Variants in COQ9 observed in about 807,000 individuals in gnomAD.
COQ9 encodes the protein ubiquinone biosynthesis protein COQ9, mitochondrial.
COQ9 carries 35 observed loss-of-function variants against 42.4 expected under a neutral mutation model. That is an observed-to-expected ratio of 0.83 (90% CI 0.63 to 1.10). COQ9 has a LOEUF of 1.10. Ranked by LOEUF, COQ9 falls within the 50% of genes least tolerant of loss-of-function variation. COQ9 has a pLI of 0.00. For missense variants in COQ9, 406 were observed against 414.6 expected, an observed-to-expected ratio of 0.98 and a Z score of 0.18; for synonymous variants, 155 against 155.1, an observed-to-expected ratio of 1.00 and a Z score of 0.00.
chr16:57,451,751 A>T (rs909508509), intron 2 of COQ9, among the ~76,000 whole-genome samples: 2 of 152,210 alleles, frequency 1.3e-5, no homozygotes, highest in Non-Finnish European at 2.9e-5. Context: ...ATGTCTTTTC[A>T]TAGCTTAATA....
chr16:57,456,320 C>G (rs2030401270), intron 3 of COQ9, 184 bp from the exon 4 acceptor site: 1 of 657,902 alleles, frequency 1.5e-6, no homozygotes, highest in Non-Finnish European at 2.7e-6. Flanking sequence ...CCCACTCTTG[C>G]ACACACACCA....
intron 1 of COQ9, among the ~76,000 whole-genome samples, chr16:57,448,949 A>G (rs72780624): frequency 0.015 from 2,252 of 151,156 alleles, 23 homozygotes; most frequent in South Asian, 0.029. Context: ...AAATCAGTCA[A>G]AGAGAAAGCT....
At chr16:57,460,140 C>T (rs1185723860) in intron 8 of COQ9, 36 bp downstream of exon 8, 4 of 1,607,616 alleles carry the variant, frequency 2.5e-6, no homozygotes, top group Non-Finnish European at 3.4e-6. Context: ...CCCCTCCTCT[C>T]TCCCATTCCG....
chr16:57,451,247 C>T (rs1417423892), intron 2 of COQ9, 39 bp downstream of exon 2: 2 of 1,592,284 alleles, frequency 1.3e-6, no homozygotes, highest in Non-Finnish European at 1.7e-6. Context: ...ACTTCATATG[C>T]TTCATTATGT....
intron 6 of COQ9, 142 bp downstream of exon 6, chr16:57,458,492 C>A: frequency 2.9e-6 from 2 of 697,684 alleles, no homozygotes; most frequent in Non-Finnish European, 5.2e-6. Context: ...GAGGAAGGTC[C>A]GTCAAGAAGC....
At chr16:57,450,781 G>T in intron 1 of COQ9, 1 of 542,856 alleles carries the variant, frequency 1.8e-6, no homozygotes, top group Non-Finnish European at 3.3e-6. Context: ...GAAATTGTTT[G>T]CCAGTTACCC....
chr16:57,455,356 C>CATATAT (rs72051263), intron 3 of COQ9, among the ~76,000 whole-genome samples: 1,971 of 143,240 alleles, frequency 0.014, 28 homozygotes, highest in South Asian at 0.035. Flanking sequence ...CACATTTGGG[C>CATATAT]ATATATATAT....
At chr16:57,452,417 G>A (rs569560424) in intron 2 of COQ9, among the ~76,000 whole-genome samples, 12 of 152,354 alleles carry the variant, frequency 7.9e-5, no homozygotes, top group South Asian at 2.1e-4. Context: ...CGAGACAGGC[G>A]GCTCACTTGA....
rs1018536248 is a variant in COQ9 at position 57,447,686 on chromosome 16, A to G, written c.73+108A>G. ...GAAGAGGCCGTTGGGGCGGCCCACG[A>G]GCAAGGTGAGGTGAAGGGCATCGGC... On this transcript the variant is annotated intron_variant, in intron 1 of 8. Coordinates refer to ENST00000262507, the MANE Select transcript of COQ9 (RefSeq NM_020312.4). 7.1e-6 allele frequency: 7 copies of G among 986,542 alleles called. No individual in the cohort carries two copies. In the African/African-American group the frequency reaches 1.0e-4, roughly 14 times the overall value. The allele number at this position is 986,542 out of a possible 1,614,324, so 61.1% of individuals were successfully genotyped here. A position where few individuals can be genotyped will look rare whatever the true frequency, so the allele number is the denominator to read the frequency against.
At chr16:57,460,026 G>T in intron 7 of COQ9, 25 bp from the exon 8 acceptor site, 1 of 1,613,072 alleles carries the variant, frequency 6.2e-7, no homozygotes, top group South Asian at 1.1e-5. Context: ...GTGGCCTAAG[G>T]GAACCTGACA....
chr16:57,447,721 G>A (rs2030161764), intron 1 of COQ9, 143 bp downstream of exon 1: 1 of 657,328 alleles, frequency 1.5e-6, no homozygotes, highest in Non-Finnish European at 2.2e-6. Flanking sequence ...CGCGGGCTCG[G>A]GCGAGCCGCC....
intron 7 of COQ9, 128 bp downstream of exon 7, chr16:57,459,848 G>T: frequency 2.5e-6 from 3 of 1,197,450 alleles, no homozygotes; most frequent in Non-Finnish European, 3.7e-6. Context: ...GGCCTGGCTG[G>T]TTCTTCCTCA....
At chr16:57,451,322 C>T in intron 2 of COQ9, 114 bp downstream of exon 2, 2 of 1,231,862 alleles carry the variant, frequency 1.6e-6, no homozygotes, top group Middle Eastern at 1.9e-4. Flanking sequence ...TTTCCAAGGC[C>T]ATCTTTGTTT....
chr16:57,461,083 C>T lies in COQ9; in HGVS notation c.*459C>T. 2.2e-6 allele frequency: 1 copy of T among 447,434 alleles called. No individual in the cohort carries two copies. Among genetic ancestry groups the T allele is most frequent in the Non-Finnish European group, 4.5e-6 (1 of 223,350 alleles). The allele number at this position is 447,434 out of a possible 1,614,324, so 27.7% of individuals were successfully genotyped here. On this transcript the variant is annotated 3_prime_UTR_variant, in exon 9 of 9. Transcript: ENST00000262507. ...GTGCACACAGAGGTGTTCCTTGCAG[C>T]CCCCTCCCTCTCAGGTGTCCTGAGA...
rs114879590 is a variant in COQ9, at chr16:57,455,868, A to G, written c.379-636A>G. On this transcript the variant is annotated intron_variant, in intron 3 of 8. Transcript: ENST00000262507. ...TGAGGCGGGAGGATTGCTTGACACT[A>G]GGAGTTTGAGGCCAACCTGGGCAAT... Among the ~76,000 whole-genome samples the G allele has an allele frequency of 8.9e-3, 1,348 of 152,110 alleles. 20 individuals are homozygous for G. Among genetic ancestry groups the G allele is most frequent in the African/African-American group, 0.03 (1,252 of 41,476 alleles).
rs756817639 is a variant in COQ9, at chr16:57,460,605, G to A, written c.938G>A (p.Gly313Asp). 6 of 1,614,094 alleles carry A rather than the reference G, an allele frequency of 3.7e-6. No individual in the cohort carries two copies. Among genetic ancestry groups the A allele is most frequent in the African/African-American group, 1.3e-5 (1 of 75,030 alleles). The change falls in exon 9 of 9, where the codon GGT becomes GAT. Residue 313 changes from glycine (G) to aspartate (D), a missense_variant. Coordinates refer to ENST00000262507, the MANE Select transcript of COQ9 (RefSeq NM_020312.4). ...CCGTGTCAGCTCAAGAACTTGACAG[G>A]TCTAAACCAGCGTCGGTGAGAGGAA... is the stretch of plus-strand genomic sequence containing the variant. ...GAAVTLKNLT[G>D]LNQRR
chr16:57,457,413 A>C (rs1279819679), intron 5 of COQ9: 2 of 342,048 alleles, frequency 5.8e-6, no homozygotes, highest in African/African-American at 4.3e-5. Context: ...GGGATTTGTC[A>C]ATTGTCAATG....
intron 5 of COQ9, chr16:57,457,301 G>T: frequency 2.0e-6 from 1 of 489,842 alleles, no homozygotes; most frequent in Non-Finnish European, 3.8e-6. Context: ...CACCAGGTCT[G>T]CAGGGAGGAG....
At chr16:57,455,414 T>C (rs1043071822) in intron 3 of COQ9, among the ~76,000 whole-genome samples, 3 of 148,220 alleles carry the variant, frequency 2.0e-5, no homozygotes, top group Admixed American at 6.8e-5. Context: ...TATATATATA[T>C]ATAAAATAAT....
Sources: allele counts gnomAD v4.1 joint callset (sites outside exome capture counted in the v4.1 genomes callset), GRCh38; gene constraint gnomAD v4.1.1; transcripts MANE v1.5; gene names NCBI Gene and HGNC (gene_info 2026-07-23, HGNC 2026-07-21).